Variants in TBC1D10A observed in about 807,000 individuals in gnomAD.
The protein encoded by TBC1D10A is EBP50-PDX interactor of 64 kDa.
TBC1D10A carries 24 observed loss-of-function variants against 52.9 expected under a neutral mutation model. That is an observed-to-expected ratio of 0.45 (90% confidence interval 0.33 to 0.64). The LOEUF (loss-of-function observed/expected upper bound fraction) is 0.64. Ranked by LOEUF, TBC1D10A falls within the 30% of genes least tolerant of loss-of-function variation. The pLI is 0.02. For synonymous variants in TBC1D10A, 278 were observed against 282.9 expected (o/e 0.98, Z 0.17); for missense variants, 602 against 687.9 (o/e 0.88, Z 1.40).
In TBC1D10A at chr22:30,312,973, G is replaced by A. The variant is rs186158770; in HGVS notation, c.210-8343C>T. ...ACAGAGAAGAAGTGCCATCACAGGA[G>A]CATGTAGAAGGGGCTAGGAGACTGC... On this transcript the variant is annotated intron_variant, in intron 1 of 8. Coordinates refer to ENST00000215790, the MANE Select transcript of TBC1D10A (RefSeq NM_031937.3). Among the ~76,000 whole-genome samples the A allele has an allele frequency of 2.8e-3, 420 of 152,344 alleles. 1 individual carries two copies. The highest frequency in any genetic ancestry group is 9.5e-3 in the African/African-American group (395 of 41,572).
intron 2 of TBC1D10A, among the ~76,000 whole-genome samples, chr22:30,301,476 G>A (rs982615940): frequency 6.6e-6 from 1 of 152,208 alleles, no homozygotes; most frequent in African/African-American, 2.4e-5. Context: ...GTTGTCAAAG[G>A]AGTCCATTAG....
chr22:30,315,389 A>G (rs771545760), intron 1 of TBC1D10A, among the ~76,000 whole-genome samples: 3 of 152,028 alleles, frequency 2.0e-5, no homozygotes, highest in Non-Finnish European at 4.4e-5. Context: ...TAATCCTAAC[A>G]ATACTCCTGC....
intron 1 of TBC1D10A, among the ~76,000 whole-genome samples, chr22:30,323,719 A>G (rs1352645693): frequency 6.6e-6 from 1 of 152,174 alleles, no homozygotes; most frequent in Non-Finnish European, 1.5e-5. Context: ...TAAACCCAGC[A>G]CTTCGGGAGG....
chr22:30,313,031 G>C (rs970077126), intron 1 of TBC1D10A, among the ~76,000 whole-genome samples: 1 of 152,208 alleles, frequency 6.6e-6, no homozygotes, highest in South Asian at 2.1e-4. Flanking sequence ...GGGCTGTTTA[G>C]AGAAAGCTTT....
At chr22:30,322,824 G>A (rs1188880699) in intron 1 of TBC1D10A, among the ~76,000 whole-genome samples, 1 of 151,402 alleles carries the variant, frequency 6.6e-6, no homozygotes, top group Non-Finnish European at 1.5e-5. Context: ...TTGAACTCCT[G>A]GGCTCAAGCG....
At chr22:30,318,298 T>C (rs1368883644) in intron 1 of TBC1D10A, among the ~76,000 whole-genome samples, 3 of 152,140 alleles carry the variant, frequency 2.0e-5, no homozygotes, top group Non-Finnish European at 2.9e-5. Context: ...AGGTAGGTTT[T>C]CCATGTCCTC....
chr22:30,319,614 G>A lies in TBC1D10A; in HGVS notation c.209+7059C>T, dbSNP rs142015568. On this transcript the variant is annotated intron_variant, in intron 1 of 8. Transcript: ENST00000215790. ...AGGGTAGGGTAGGGGGAGGAGAGAC[G>A]GGAAATGGAAGGATGAGACAGAGAA... Among the ~76,000 whole-genome samples the A allele has an allele frequency of 4.3e-4, 65 of 152,252 alleles. 2 individuals are homozygous for A. Among genetic ancestry groups the A allele is most frequent in the African/African-American group, 1.5e-3 (64 of 41,552 alleles).
chr22:30,317,465 A>G (rs1930563228), intron 1 of TBC1D10A, among the ~76,000 whole-genome samples: 1 of 152,206 alleles, frequency 6.6e-6, no homozygotes, highest in Non-Finnish European at 1.5e-5. Context: ...TCTCAAGGTC[A>G]CACAGCTAGT....
rs1930096581 is a variant in TBC1D10A at position 30,297,077 on chromosome 22, C to T, written c.418-1234G>A. On this transcript the variant is annotated intron_variant, in intron 3 of 8. Transcript: ENST00000215790. This position sits in a 1 kb window ranked among gnomAD's most constrained non-coding sequence, Gnocchi z 4.3. ...GGTGACTTCATACAAGCCCCTTTCC[C>T]TCTCTGGCCCTCAGTGGGAGTGTCC... 6.6e-6 allele frequency: 1 copy of T among 152,302 alleles called. No homozygotes were observed. Among genetic ancestry groups the T allele is most frequent in the South Asian group, 2.1e-4 (1 of 4,832 alleles). The allele number at this position is 152,302 out of a possible 1,614,324, so 9.4% of individuals were successfully genotyped here. A position where few individuals can be genotyped will look rare whatever the true frequency, so the allele number is the denominator to read the frequency against.
At chr22:30,312,850 G>C (rs1472208212) in intron 1 of TBC1D10A, among the ~76,000 whole-genome samples, 1 of 152,160 alleles carries the variant, frequency 6.6e-6, no homozygotes. Context: ...TAGAGCCTGT[G>C]TTCCAGGCCC....
Position 30,308,316 on chromosome 22 carries a change from A to ATGCCTGCC in TBC1D10A, c.210-3687_210-3686insGGCAGGCA, listed in dbSNP as rs1464829862. Among the ~76,000 whole-genome samples, 88 of 130,382 alleles carry ATGCCTGCC rather than the reference A, an allele frequency of 6.7e-4. 1 individual carries two copies. The East Asian group carries it at 7.2e-3, about 11-fold the overall frequency. The allele number at this position is 130,382 out of a possible 152,430, so 85.5% of individuals were successfully genotyped here. On this transcript the variant is annotated intron_variant, in intron 1 of 8. Transcript: ENST00000215790. ...CATGCCTGCATGCCTGCCTGCCTGC[A>ATGCCTGCC]TGCCTGCATGCCTGCATGCCTGCCT... is the stretch of plus-strand genomic sequence containing the variant.
chr22:30,299,647 C>T (rs1930159652), intron 2 of TBC1D10A, 96 bp from the exon 3 acceptor site: 5 of 1,108,572 alleles, frequency 4.5e-6, no homozygotes, highest in Non-Finnish European at 5.3e-6. Flanking sequence ...TCAGTGCACA[C>T]AGCAGCAAGA....
At chr22:30,321,316 C>T (rs1356442234) in intron 1 of TBC1D10A, among the ~76,000 whole-genome samples, 4 of 152,182 alleles carry the variant, frequency 2.6e-5, no homozygotes, top group Non-Finnish European at 5.9e-5. Flanking sequence ...CCAGATGGGC[C>T]ACCCAGGGAC....
chr22:30,295,650 A>G, intron 4 of TBC1D10A, 87 bp downstream of exon 4: 1 of 1,371,538 alleles, frequency 7.3e-7, no homozygotes, highest in Non-Finnish European at 1.0e-6. Context: ...CCGAGCTTCT[A>G]AAGCCCTGAA....
chr22:30,309,212 G>A (rs944023341), intron 1 of TBC1D10A, among the ~76,000 whole-genome samples: 7 of 152,108 alleles, frequency 4.6e-5, no homozygotes, highest in African/African-American at 1.7e-4. Flanking sequence ...ACAACCTCAG[G>A]TGCAGATGGT....
At position 30,326,935 on chromosome 22, in the gene TBC1D10A, C is replaced by A. The variant is rs1010327426; in HGVS notation, c.-54G>T. 1.7e-5 allele frequency: 23 copies of A among 1,354,432 alleles called. No individual in the cohort carries two copies. The African/African-American group carries it at 3.5e-4, about 21-fold the overall frequency. The allele number at this position is 1,354,432 out of a possible 1,614,324, so 83.9% of individuals were successfully genotyped here. A position where few individuals can be genotyped will look rare whatever the true frequency, so the allele number is the denominator to read the frequency against. On this transcript the variant is annotated 5_prime_UTR_variant, in exon 1 of 9. Coordinates refer to ENST00000215790, the MANE Select transcript of TBC1D10A (RefSeq NM_031937.3). Reference sequence around the variant, plus strand: ...GCGGCCACCTCAGCCGCCCTGCTGCCGCCGACGCCCCGCCCACGCGCGGCG... The same window carrying A: ...GCGGCCACCTCAGCCGCCCTGCTGCAGCCGACGCCCCGCCCACGCGCGGCG...
At chr22:30,322,460 G>A (rs749460855) in intron 1 of TBC1D10A, among the ~76,000 whole-genome samples, 20 of 152,002 alleles carry the variant, frequency 1.3e-4, no homozygotes, top group African/African-American at 1.9e-4. Context: ...GGTTCCCTGC[G>A]GAGTAGGCTC....
intron 1 of TBC1D10A, among the ~76,000 whole-genome samples, chr22:30,312,999 A>C (rs1355898118): frequency 6.6e-6 from 1 of 152,210 alleles, no homozygotes; most frequent in Non-Finnish European, 1.5e-5. Context: ...AGGAGACTGC[A>C]AAAAGACCCC....
intron 1 of TBC1D10A, among the ~76,000 whole-genome samples, chr22:30,310,237 G>A (rs1288417442): frequency 6.6e-6 from 1 of 152,190 alleles, no homozygotes; most frequent in Non-Finnish European, 1.5e-5. Context: ...CTCTTATAGG[G>A]CTGCAATGAG....
Sources: gnomAD v4.1 joint callset for allele counts (sites outside exome capture counted in the v4.1 genomes callset) on GRCh38, gnomAD v4.1.1 for gene constraint, Gnocchi (gnomAD v3.1) non-coding constraint, MANE v1.5 for transcripts, NCBI Gene and HGNC (gene_info 2026-07-23, HGNC 2026-07-21) for gene names.